ITGB6: variants seen among roughly 807,000 people sequenced by gnomAD.
ITGB6 encodes the protein integrin subunit beta 6.
ITGB6 carries 80 observed loss-of-function variants against 84.5 expected under a neutral mutation model. The observed-to-expected ratio is 0.95, with a 90% CI of 0.79 to 1.14. The LOEUF is 1.14. Ranked by LOEUF, ITGB6 falls within the 50% of genes most tolerant of loss-of-function variation. The pLI, the probability that ITGB6 is intolerant of heterozygous loss-of-function variation, is 0.00. For synonymous variants in ITGB6, 383 were observed against 354.9 expected, an observed-to-expected ratio of 1.08 and a Z score of -0.89; for missense variants, 1,006 against 968.0, an observed-to-expected ratio of 1.04 and a Z score of -0.52.
At chr2:160,157,478 C>T (rs531489300) in intron 7 of ITGB6, among the ~76,000 whole-genome samples, 86 of 152,266 alleles carry the variant, frequency 5.6e-4, no homozygotes, top group Non-Finnish European at 9.7e-4. Context: ...CACCAGGCCT[C>T]TGCCAGAGAA....
At chr2:160,185,698 A>G (rs552510684) in intron 4 of ITGB6, among the ~76,000 whole-genome samples, 21 of 152,370 alleles carry the variant, frequency 1.4e-4, no homozygotes, top group African/African-American at 4.6e-4. Flanking sequence ...AGCTGGAGGC[A>G]TCATGCCACC....
In ITGB6 at chr2:160,137,776, G is replaced by T; in HGVS notation, c.1318C>A (p.Leu440Met). The T allele has an allele frequency of 2.5e-6, 4 of 1,614,150 alleles. No homozygotes were observed. Among genetic ancestry groups the T allele is most frequent in the Non-Finnish European group, 3.4e-6 (4 of 1,179,992 alleles). The change falls in exon 10 of 15, where the codon CTG becomes ATG. Residue 440 changes from leucine (L) to methionine (M), a missense_variant. Coordinates refer to ENST00000283249, the MANE Select transcript of ITGB6 (RefSeq NM_000888.5). The stretch of plus-strand genomic sequence containing the variant: ...ACAAGTAATTCCAGGGCATCCCCCA[G>T]CCCCACAGGCTTTATGATAATGTGC... ...SRHIIIKPVG[L>M]GDALELLVSP... is the part of the protein sequence containing the mutation.
intron 10 of ITGB6, among the ~76,000 whole-genome samples, chr2:160,132,756 AAT>A (rs1275697633): frequency 6.6e-6 from 1 of 152,180 alleles, no homozygotes. Flanking sequence ...ATGATTTTAC[AAT>A]AGTCATATAC....
chr2:160,196,254 T>C lies in ITGB6; in HGVS notation c.308A>G (p.Gln103Arg). ...GRQKNSSDIVQIAPQSLILKL... is the reference protein window; with the variant it reads ...GRQKNSSDIVRIAPQSLILKL... ...AAGGATCAAGCTTTGAGGCGCAATC[T>C]GAACAATGTCAGAACTATTTTTCTG... The change falls in exon 3 of 15, where the codon CAG (glutamine) becomes CGG (arginine). Residue 103 changes from glutamine to arginine, a missense_variant. By Grantham distance (43) the Gln-to-Arg change is conservative (BLOSUM62 1). Coordinates refer to ENST00000283249, the MANE Select transcript of ITGB6 (RefSeq NM_000888.5). The C allele has an allele frequency of 6.2e-7, 1 of 1,614,098 alleles. No individual in the cohort carries two copies. Among genetic ancestry groups the C allele is most frequent in the Non-Finnish European group, 8.5e-7 (1 of 1,179,972 alleles).
Position 160,173,980 on chromosome 2 carries a change from C to A in ITGB6, c.753G>T (p.Val251=). 6.2e-7 allele frequency: 1 copy of A among 1,613,224 alleles called. No individual in the cohort carries two copies. The highest frequency in any genetic ancestry group is 8.5e-7 in the Non-Finnish European group (1 of 1,179,788). The change falls in exon 5 of 15, where the codon GTG becomes GTT. Residue 251 remains valine, a synonymous_variant. Coordinates refer to ENST00000283249, the MANE Select transcript of ITGB6 (RefSeq NM_000888.5). ...GGFDAIMQAA[V]CKEKIGWRND... ...AGCACTCCCTTCAGCATACCTTACA[C>A]ACAGCAGCTTGCATAATTGCATCAA...
At chr2:160,137,306 C>G in intron 10 of ITGB6, 128 bp downstream of exon 10, 1 of 857,792 alleles carries the variant, frequency 1.2e-6, no homozygotes, top group South Asian at 1.7e-5. Flanking sequence ...TACCCTAGGT[C>G]TAAGGCTGAT....
intron 7 of ITGB6, among the ~76,000 whole-genome samples, chr2:160,162,356 A>T (rs1451129151): frequency 6.6e-6 from 1 of 152,202 alleles, no homozygotes; most frequent in Non-Finnish European, 1.5e-5. Context: ...ATGGATGTAC[A>T]TATATGTGTA....
At chr2:160,197,964 A>T (rs1414140903) in intron 2 of ITGB6, among the ~76,000 whole-genome samples, 1 of 152,232 alleles carries the variant, frequency 6.6e-6, no homozygotes, top group South Asian at 2.1e-4. Flanking sequence ...TTGGTTTTAC[A>T]ATTTGACAAC....
At chr2:160,157,198 T>A (rs138039239) in intron 7 of ITGB6, among the ~76,000 whole-genome samples, 1 of 152,354 alleles carries the variant, frequency 6.6e-6, no homozygotes, top group East Asian at 1.9e-4. Flanking sequence ...CCTACTCCAG[T>A]ATGACCTCCT....
rs750875825 is a variant in ITGB6 at position 160,137,679 on chromosome 2, C to G, written c.1415G>C (p.Gly472Ala). ...GGCACACACCCCACACTGGAAAGAG[C>G]CGTTCCCGTGGTGACATTTGGAGCT... ...VNSSKCHHGN[G>A]SFQCGVCACH... The change falls in exon 10 of 15, where the codon GGC (glycine) becomes GCC (alanine). Residue 472 changes from glycine to alanine, a missense_variant. Gly to Ala is a moderately conservative substitution (Grantham distance 60). Coordinates refer to ENST00000283249, the MANE Select transcript of ITGB6 (RefSeq NM_000888.5). 6.2e-7 allele frequency: 1 copy of G among 1,614,188 alleles called. No homozygotes were observed. Among genetic ancestry groups the G allele is most frequent in the Non-Finnish European group, 8.5e-7 (1 of 1,180,026 alleles).
rs1044917824 is a variant in ITGB6, at chr2:160,116,350, C to T, written c.1982-4151G>A. Among the ~76,000 whole-genome samples, 121 of 149,318 alleles carry T rather than the reference C, an allele frequency of 8.1e-4. 2 individuals are homozygous for T. Among genetic ancestry groups the T allele is most frequent in the African/African-American group, 2.9e-3 (118 of 40,676 alleles). On this transcript the variant is annotated intron_variant, in intron 12 of 14. Coordinates refer to ENST00000283249, the MANE Select transcript of ITGB6 (RefSeq NM_000888.5). ...TCTACAAGCCAGAAGAGAGTGGGGG[C>T]CAATATTGAACATTCTTAAAGAAAA...
chr2:160,196,213 T>C lies in ITGB6; in HGVS notation c.346+3A>G, dbSNP rs1348997608. 1 of 1,613,224 alleles carries C rather than the reference T, an allele frequency of 6.2e-7. No individual in the cohort carries two copies. Among genetic ancestry groups the C allele is most frequent in the Non-Finnish European group, 8.5e-7 (1 of 1,179,236 alleles). On this transcript the variant is annotated splice_donor_region_variant and intron_variant, in intron 3 of 14. Coordinates refer to ENST00000283249, the MANE Select transcript of ITGB6 (RefSeq NM_000888.5). The stretch of plus-strand genomic sequence containing the variant: ...TATTTACATGAGCCAAATCCTAACA[T>C]ACCTGGTCTCAACTTAAGGATCAAG...
At chr2:160,197,573 C>T (rs1686393234) in intron 2 of ITGB6, among the ~76,000 whole-genome samples, 1 of 152,216 alleles carries the variant, frequency 6.6e-6, no homozygotes, top group African/African-American at 2.4e-5. Flanking sequence ...TTCCTTGCCT[C>T]TTAGAACTCC....
At chr2:160,175,193 T>A (rs562664642) in intron 4 of ITGB6, among the ~76,000 whole-genome samples, 1 of 152,342 alleles carries the variant, frequency 6.6e-6, no homozygotes, top group Admixed American at 6.5e-5. Context: ...GCTTACTTTG[T>A]CAGCACGAGA....
chr2:160,123,633 T>A (rs1020073265), intron 12 of ITGB6, among the ~76,000 whole-genome samples, 158 bp downstream of exon 12: 1 of 152,188 alleles, frequency 6.6e-6, no homozygotes, highest in Admixed American at 6.5e-5. Flanking sequence ...TCTAGTCTTA[T>A]AGGATGCATT....
At chr2:160,133,108 C>G (rs1308013184) in intron 10 of ITGB6, among the ~76,000 whole-genome samples, 1 of 152,048 alleles carries the variant, frequency 6.6e-6, no homozygotes, top group African/African-American at 2.4e-5. Flanking sequence ...TTTAAAAGGT[C>G]AGTCAGTGGC....
At chr2:160,115,800 C>T (rs538971484) in intron 12 of ITGB6, among the ~76,000 whole-genome samples, 78 of 152,220 alleles carry the variant, frequency 5.1e-4, no homozygotes, top group African/African-American at 1.5e-3. Context: ...GAATAATCAA[C>T]GCAGAGAAGT....
At chr2:160,181,838 C>T (rs1685690617) in intron 4 of ITGB6, among the ~76,000 whole-genome samples, 1 of 152,188 alleles carries the variant, frequency 6.6e-6, no homozygotes, top group Admixed American at 6.5e-5. Context: ...TGGTGATACC[C>T]AGGCAAACAG....
chr2:160,157,738 AG>A (rs1684676653), intron 7 of ITGB6, among the ~76,000 whole-genome samples: 1 of 139,490 alleles, frequency 7.2e-6, no homozygotes, highest in South Asian at 2.4e-4. Context: ...AAGTAGCAAA[AG>A]CACAGAGGCA....
Sources: gnomAD v4.1 joint callset for allele counts (sites outside exome capture counted in the v4.1 genomes callset) on GRCh38, gnomAD v4.1.1 for gene constraint, MANE v1.5 for transcripts, NCBI Gene and HGNC (gene_info 2026-07-23, HGNC 2026-07-21) for gene names.